The following ATP5MC2 variants were observed in gnomAD, a reference collection of about 807,000 sequenced individuals.
ATP5MC2 encodes ATP synthase F(0) complex subunit C2, mitochondrial.
ATP5MC2 carries 11 observed loss-of-function variants against 13.5 expected under a neutral mutation model. That is an observed-to-expected ratio of 0.81 (90% CI 0.51 to 1.35). ATP5MC2 has a LOEUF of 1.35. Ranked by LOEUF, ATP5MC2 falls within the 40% of genes most tolerant of loss-of-function variation. The pLI is 0.00. For synonymous variants in ATP5MC2, 64 were observed against 69.7 expected (o/e 0.92, Z 0.41); for missense variants, 132 against 175.0 (o/e 0.75, Z 1.39).
At chr12:53,668,134 GC>G (rs1944988498) in intron 4 of ATP5MC2, among the ~76,000 whole-genome samples, 1 of 149,460 alleles carries the variant, frequency 6.7e-6, no homozygotes, top group African/African-American at 2.5e-5. Flanking sequence ...GACTACAGGC[GC>G]CCACCACAAC....
upstream of ATP5MC2, among the ~76,000 whole-genome samples, chr12:53,681,181 C>T (rs1565631763): frequency 6.6e-6 from 1 of 151,318 alleles, no homozygotes; most frequent in African/African-American, 2.4e-5. Context: ...GCTGGGATTA[C>T]AGGCATGAGC....
chr12:53,678,826 C>T (rs1279001546), upstream of ATP5MC2, among the ~76,000 whole-genome samples: 1 of 152,124 alleles, frequency 6.6e-6, no homozygotes, highest in Non-Finnish European at 1.5e-5. Context: ...ACAGAACTAT[C>T]CTTTCCAATC....
intron 4 of ATP5MC2, among the ~76,000 whole-genome samples, chr12:53,666,940 T>C (rs1462720548): frequency 2.3e-5 from 2 of 85,114 alleles, no homozygotes; most frequent in African/African-American, 7.2e-5. Context: ...CGAGACTCAG[T>C]CTCAAAAAAA....
upstream of ATP5MC2, chr12:53,677,293 A>T (rs1945301436): frequency 6.6e-6 from 1 of 152,120 alleles, no homozygotes. Context: ...ACGGTCCCGG[A>T]GGAGAGGCGA....
At chr12:53,679,412 C>T (rs1196758776), upstream of ATP5MC2, among the ~76,000 whole-genome samples, 2 of 152,184 alleles carry the variant, frequency 1.3e-5, no homozygotes, top group Non-Finnish European at 2.9e-5. Context: ...GCACATGTTG[C>T]CAGCAAGTGG....
chr12:53,678,750 T>TG (rs1376814863), upstream of ATP5MC2, among the ~76,000 whole-genome samples: 3 of 152,142 alleles, frequency 2.0e-5, no homozygotes, highest in Non-Finnish European at 2.9e-5. Context: ...ACTATAGGCT[T>TG]GGGGAAGGGT....
intron 2 of ATP5MC2, 185 bp from the exon 3 acceptor site, chr12:53,670,133 C>G: frequency 3.1e-6 from 2 of 647,466 alleles, no homozygotes; most frequent in South Asian, 3.0e-5. Context: ...AAGAACCACA[C>G]CATTTCTCTT....
In ATP5MC2 at chr12:53,672,621, G is replaced by A. The variant is rs182053874; in HGVS notation, c.-7C>T. On this transcript the variant is annotated 5_prime_UTR_variant, in exon 2 of 5. Coordinates refer to ENST00000394349, the MANE Select transcript of ATP5MC2 (RefSeq NM_005176.7). ...ACTTGGAGCAGGCGAACATTTTCAG[G>A]GGGTGAGGAGCTGTGGCAGGAGAGC... 26 of 1,583,160 alleles carry A rather than the reference G, an allele frequency of 1.6e-5. No homozygotes were observed. In the African/African-American group the frequency reaches 3.3e-4, roughly 20 times the overall value.
At chr12:53,670,599 C>T (rs1033312119) in intron 2 of ATP5MC2, among the ~76,000 whole-genome samples, 23 of 151,846 alleles carry the variant, frequency 1.5e-4, no homozygotes, top group African/African-American at 5.6e-4. Context: ...ATTCCTAATT[C>T]GAAGTATGGT....
intron 1 of ATP5MC2, 33 bp downstream of exon 1, chr12:53,676,020 G>A (rs575568784): frequency 1.3e-6 from 2 of 1,597,974 alleles, no homozygotes; most frequent in Admixed American, 3.5e-5. Context: ...CGCGTGCGCA[G>A]CGCACAGAGG....
At chr12:53,672,752 T>G in intron 1 of ATP5MC2, 107 bp from the exon 2 acceptor site, 1 of 970,058 alleles carries the variant, frequency 1.0e-6, no homozygotes, top group Non-Finnish European at 1.5e-6. Context: ...AAACAGTGAC[T>G]GACCTTAAGT....
intron 4 of ATP5MC2, among the ~76,000 whole-genome samples, chr12:53,668,493 T>C (rs145538453): frequency 1.1e-3 from 171 of 148,756 alleles, no homozygotes; most frequent in African/African-American, 3.9e-3. Context: ...TTAGTAGAGA[T>C]GGGGTTTCGC....
chr12:53,668,438 G>C (rs1944997942), intron 4 of ATP5MC2, among the ~76,000 whole-genome samples: 1 of 151,524 alleles, frequency 6.6e-6, no homozygotes. Flanking sequence ...TGAATAGCTG[G>C]GATTATAGGT....
upstream of ATP5MC2, chr12:53,676,350 T>G: frequency 2.7e-6 from 3 of 1,114,116 alleles, no homozygotes; most frequent in African/African-American, 1.6e-5. Flanking sequence ...TGTACCGCGT[T>G]TGGGATCTCG....
At chr12:53,675,953 G>A in intron 1 of ATP5MC2, 100 bp downstream of exon 1, 1 of 1,499,156 alleles carries the variant, frequency 6.7e-7, no homozygotes, top group Middle Eastern at 2.5e-4. Context: ...GAGGACCAGG[G>A]TGGGAGCACG....
At chr12:53,669,048 A>G (rs1414257128) in intron 4 of ATP5MC2, 100 bp downstream of exon 4, 1 of 1,384,684 alleles carries the variant, frequency 7.2e-7, no homozygotes, top group Non-Finnish European at 9.5e-7. Context: ...ACATGTAGCT[A>G]GTGGCTACAG....
At position 53,667,950 on chromosome 12, in the gene ATP5MC2, C is replaced by CATACATACATACAT. The variant is rs1281755104; in HGVS notation, c.311+1197_311+1198insATGTATGTATGTAT. 7.2e-4 allele frequency among the ~76,000 whole-genome samples: 27 copies of CATACATACATACAT among 37,252 alleles called. 1 individual carries two copies. The highest frequency in any genetic ancestry group is 2.2e-3 in the African/African-American group (27 of 12,186). 24.4% of individuals were successfully genotyped at this position (37,252 alleles called of 152,430 possible). A position where few individuals can be genotyped will look rare whatever the true frequency, so the allele number is the denominator to read the frequency against. ...AAACATTCTAATACATACATACATA[C>CATACATACATACAT]ACACACATATATATATATATATATA... On this transcript the variant is annotated intron_variant, in intron 4 of 4. Coordinates refer to ENST00000394349, the MANE Select transcript of ATP5MC2 (RefSeq NM_005176.7).
chr12:53,676,981 A>G (rs1945293436), upstream of ATP5MC2: 1 of 152,324 alleles, frequency 6.6e-6, no homozygotes, highest in South Asian at 2.1e-4. Flanking sequence ...TGCCCTTTGG[A>G]ACAGGGCGAC....
At chr12:53,669,417 G>T in intron 3 of ATP5MC2, 76 bp from the exon 4 acceptor site, 1 of 1,471,290 alleles carries the variant, frequency 6.8e-7, no homozygotes, top group Non-Finnish European at 9.0e-7. Flanking sequence ...CCTTTAAGCT[G>T]CCAAATCCCA....
Sources: allele counts gnomAD v4.1 joint callset (sites outside exome capture counted in the v4.1 genomes callset), GRCh38; gene constraint gnomAD v4.1.1; transcripts MANE v1.5; gene names NCBI Gene and HGNC (gene_info 2026-07-23, HGNC 2026-07-21).